Variants in CETN3 observed in about 807,000 individuals in gnomAD.
The protein encoded by CETN3 is centrin-3.
A neutral mutation model predicts 20.1 loss-of-function variants in CETN3; 17 were observed. That is an observed-to-expected ratio of 0.85 (90% CI 0.58 to 1.27). CETN3 has a LOEUF of 1.27. Among genes scored for constraint, CETN3 ranks in the 50% most tolerant of loss-of-function variants. CETN3 has a pLI of 0.00. For synonymous variants in CETN3, 52 were observed against 59.7 expected (o/e 0.87, Z 0.59); for missense variants, 169 against 191.2 (o/e 0.88, Z 0.69).
intron 4 of CETN3, chr5:90,399,148 C>T (rs1308247048): frequency 3.4e-6 from 2 of 596,306 alleles, no homozygotes; most frequent in Non-Finnish European, 5.9e-6. Context: ...GTTTCACCTT[C>T]AGAGAAAAGT....
chr5:90,408,403 T>G (rs1404516356), intron 1 of CETN3, among the ~76,000 whole-genome samples: 3 of 152,232 alleles, frequency 2.0e-5, no homozygotes, highest in African/African-American at 7.2e-5. Flanking sequence ...GTTTGGCAAT[T>G]TATGTGTCAT....
Position 90,409,641 on chromosome 5 carries a change from C to T in CETN3, c.17+4G>A. 6.2e-7 allele frequency: 1 copy of T among 1,614,124 alleles called. No homozygotes were observed. The highest frequency in any genetic ancestry group is 1.6e-4 in the Middle Eastern group (1 of 6,062). ...GAGAGCACTGCCGCCTCCTTATTAC[C>T]GACCTCAGAGCTAAACTCATTATCT... On this transcript the variant is annotated splice_donor_region_variant and intron_variant, in intron 1 of 4. Transcript: ENST00000283122.
At position 90,402,490 on chromosome 5, in the gene CETN3, A is replaced by T. The variant is rs137984092; in HGVS notation, c.269-2941T>A. On this transcript the variant is annotated intron_variant, in intron 3 of 4. Transcript: ENST00000283122. Reference sequence around the variant, plus strand: ...GTTGTTGCTGCTTTCTAAGCCTAGAATGCTTTTTCTCTACTCTTCCTGGCA... The same window carrying T: ...GTTGTTGCTGCTTTCTAAGCCTAGATTGCTTTTTCTCTACTCTTCCTGGCA... Among the ~76,000 whole-genome samples, 245 of 152,304 alleles carry T rather than the reference A, an allele frequency of 1.6e-3. 1 individual carries two copies. The highest frequency in any genetic ancestry group is 5.1e-3 in the African/African-American group (212 of 41,568).
chr5:90,396,189 G>A, intron 4 of CETN3: 1 of 985,232 alleles, frequency 1.0e-6, no homozygotes. Flanking sequence ...AATAGTGTAT[G>A]CCTCACAGAA....
intron 3 of CETN3, among the ~76,000 whole-genome samples, chr5:90,401,173 G>A (rs1749279468): frequency 6.6e-6 from 1 of 152,128 alleles, no homozygotes; most frequent in Non-Finnish European, 1.5e-5. Flanking sequence ...TTATTTCAGA[G>A]CTATGTGTCT....
chr5:90,402,746 T>C (rs1749330531), intron 3 of CETN3, among the ~76,000 whole-genome samples: 1 of 152,224 alleles, frequency 6.6e-6, no homozygotes, highest in Non-Finnish European at 1.5e-5. Context: ...AGCAGCTGAA[T>C]TTGGTCCAAA....
At chr5:90,406,842 AAAAAAAAAAAAAAC>A (rs1251640329) in intron 2 of CETN3, among the ~76,000 whole-genome samples, 1 of 141,238 alleles carries the variant, frequency 7.1e-6, no homozygotes, top group African/African-American at 2.9e-5. Context: ...TGGGTAACCA[AAAAAAAAAAAAAAC>A]AAAAAAAACA....
At chr5:90,396,676 AC>A in intron 4 of CETN3, 1 of 704,218 alleles carries the variant, frequency 1.4e-6, no homozygotes. Context: ...AGTACTTGTT[AC>A]TTAAAGATCT....
chr5:90,399,276 T>C, intron 4 of CETN3, 82 bp downstream of exon 4: 1 of 1,287,528 alleles, frequency 7.8e-7, no homozygotes, highest in Non-Finnish European at 1.1e-6. Context: ...AAAAAAGTCT[T>C]GCAAGTCATT....
chr5:90,405,782 C>T lies in CETN3; in HGVS notation c.171G>A (p.Leu57=). 1 of 1,609,200 alleles carries T rather than the reference C, an allele frequency of 6.2e-7. No individual in the cohort carries two copies. The part of the protein sequence containing the change: ...YHELKVAMRA[L]GFDVKKADVL... The stretch of plus-strand genomic sequence containing the variant: ...CATCAGCTTTTTTTACATCAAACCC[C>T]AAGGCTCTCATTGCCACCTTTTGGA... Residue 57 remains leucine, a synonymous_variant, in exon 3 of 5, where the codon TTG becomes TTA. Transcript: ENST00000283122.
At chr5:90,397,457 C>T (rs115230950) in intron 4 of CETN3, among the ~76,000 whole-genome samples, 2 of 151,954 alleles carry the variant, frequency 1.3e-5, no homozygotes, top group African/African-American at 4.8e-5. Context: ...TTTCATACAT[C>T]AACCATTTCA....
intron 3 of CETN3, among the ~76,000 whole-genome samples, chr5:90,401,993 C>T (rs751324417): frequency 2.6e-5 from 4 of 152,126 alleles, no homozygotes; most frequent in Non-Finnish European, 4.4e-5. Flanking sequence ...GGACTACAGG[C>T]ATGTGCCATC....
intron 3 of CETN3, among the ~76,000 whole-genome samples, chr5:90,404,101 C>G (rs1248216928): frequency 6.6e-6 from 1 of 152,030 alleles, no homozygotes; most frequent in Non-Finnish European, 1.5e-5. Flanking sequence ...ATAATAATAG[C>G]AAATGCTTAG....
rs530946058 is a variant in CETN3 at position 90,409,718 on chromosome 5, C to G, written c.-57G>C. On this transcript the variant is annotated 5_prime_UTR_variant, in exon 1 of 5. Coordinates refer to ENST00000283122, the MANE Select transcript of CETN3 (RefSeq NM_004365.4). ...AACGATTTTAACCCCCTACCCAAGG[C>G]AGCAAGACGCCCACAGCCGTTCAAC... 6.2e-7 allele frequency: 1 copy of G among 1,608,404 alleles called. No homozygotes were observed. Among genetic ancestry groups the G allele is most frequent in the Non-Finnish European group, 8.5e-7 (1 of 1,174,974 alleles).
chr5:90,399,012 G>A lies in CETN3; in HGVS notation c.460+346C>T. The stretch of plus-strand genomic sequence containing the variant: ...GGGCCTGAACTAGGACAGCCACAAT[G>A]GACAAAGATAAAAACAGATTCAAAA... On this transcript the variant is annotated intron_variant, in intron 4 of 4. Coordinates refer to ENST00000283122, the MANE Select transcript of CETN3 (RefSeq NM_004365.4). The A allele has an allele frequency of 7.4e-6, 3 of 405,620 alleles. No homozygotes were observed. In the South Asian group the frequency reaches 1.0e-4, roughly 14 times the overall value. 25.1% of individuals were successfully genotyped at this position (405,620 alleles called of 1,614,324 possible).
intron 4 of CETN3, among the ~76,000 whole-genome samples, chr5:90,394,832 G>C (rs1749101396): frequency 6.6e-6 from 1 of 151,796 alleles, no homozygotes. Context: ...AAAACATAAT[G>C]TTTAAGACAG....
At chr5:90,408,219 TAAA>T (rs1411239249) in intron 1 of CETN3, among the ~76,000 whole-genome samples, 1 of 151,968 alleles carries the variant, frequency 6.6e-6, no homozygotes, top group East Asian at 1.9e-4. Context: ...TTAAAGAATT[TAAA>T]AAAAATCTCC....
intron 4 of CETN3, 48 bp downstream of exon 4, chr5:90,399,310 T>C (rs775006178): frequency 6.4e-7 from 1 of 1,568,116 alleles, no homozygotes; most frequent in South Asian, 1.1e-5. Flanking sequence ...ATGTATTACA[T>C]GTGTAGCATC....
At chr5:90,399,657 T>A in intron 3 of CETN3, 108 bp from the exon 4 acceptor site, 1 of 832,546 alleles carries the variant, frequency 1.2e-6, no homozygotes, top group South Asian at 1.8e-5. Flanking sequence ...GACTGTCAAC[T>A]TTTAGTCTGA....
Sources: allele counts gnomAD v4.1 joint callset (sites outside exome capture counted in the v4.1 genomes callset), GRCh38; gene constraint gnomAD v4.1.1; transcripts MANE v1.5; gene names NCBI Gene and HGNC (gene_info 2026-07-23, HGNC 2026-07-21).